Variants in PDE4D observed in about 807,000 individuals in gnomAD.
PDE4D encodes phosphodiesterase 4D.
A neutral mutation model predicts 87.4 loss-of-function variants in PDE4D; 24 were observed. The observed-to-expected ratio is 0.27, with a 90% CI of 0.20 to 0.39. The LOEUF (loss-of-function observed/expected upper bound fraction) is 0.39. Ranked by LOEUF, PDE4D falls within the 10% of genes least tolerant of loss-of-function variation. PDE4D has a pLI of 1.00. For missense variants in PDE4D, 714 were observed against 1,041.0 expected (o/e 0.69, Z 4.32); for synonymous variants, 384 against 383.2 (o/e 1.00, Z -0.02).
intron 1 of PDE4D, among the ~76,000 whole-genome samples, chr5:59,641,667 C>A (rs1253422334): frequency 3.9e-5 from 6 of 152,132 alleles, no homozygotes; most frequent in Non-Finnish European, 8.8e-5. Flanking sequence ...GAATGCTCAT[C>A]CCTCTGAAAT....
At chr5:59,125,198 G>A (rs1775204279) in intron 5 of PDE4D, 2 of 706,572 alleles carry the variant, frequency 2.8e-6, no homozygotes, top group Non-Finnish European at 1.7e-6. Context: ...TTAAGCTAGA[G>A]TTAGACTGGT....
At chr5:60,507,448 A>G (rs867711612) in intron 1 of PDE4D, among the ~76,000 whole-genome samples, 32 of 152,338 alleles carry the variant, frequency 2.1e-4, no homozygotes, top group Middle Eastern at 3.4e-3. Context: ...AAAATGCTAT[A>G]AATATCTTTA....
chr5:59,550,844 G>A (rs545057298), intron 1 of PDE4D, among the ~76,000 whole-genome samples: 13 of 151,870 alleles, frequency 8.6e-5, no homozygotes, highest in Middle Eastern at 3.4e-3. Flanking sequence ...TTACAGGCAC[G>A]TGCCACCACA....
chr5:59,745,743 AG>A (rs1341235007), intron 1 of PDE4D, among the ~76,000 whole-genome samples: 6 of 152,196 alleles, frequency 3.9e-5, no homozygotes, highest in Admixed American at 2.0e-4. Flanking sequence ...CCTTTTCCTT[AG>A]GGCAAAAAAA....
intron 3 of PDE4D, among the ~76,000 whole-genome samples, chr5:59,953,242 G>A (rs1347329154): frequency 1.3e-5 from 2 of 152,130 alleles, no homozygotes; most frequent in African/African-American, 4.8e-5. Flanking sequence ...TGTGAGAAAA[G>A]TGAAAATGGG....
At chr5:60,457,609 G>A (rs1242019624) in intron 1 of PDE4D, among the ~76,000 whole-genome samples, 3 of 152,072 alleles carry the variant, frequency 2.0e-5, no homozygotes, top group Non-Finnish European at 4.4e-5. Context: ...AGTTTTTCCA[G>A]CTGTTCCTTT....
intron 1 of PDE4D, among the ~76,000 whole-genome samples, chr5:59,883,223 A>G (rs112691342): frequency 1.7e-3 from 266 of 152,340 alleles, no homozygotes; most frequent in African/African-American, 5.9e-3. Flanking sequence ...CAAAAAAGCA[A>G]TATTTGAGCA....
intron 1 of PDE4D, among the ~76,000 whole-genome samples, chr5:59,771,497 GAGAAGAAAGA>G (rs1763520444): frequency 2.0e-5 from 1 of 48,970 alleles, no homozygotes; most frequent in African/African-American, 7.5e-5. Context: ...GAGAGAGAGA[GAGAAGAAAGA>G]AAGAAAGAAA....
intron 2 of PDE4D, among the ~76,000 whole-genome samples, chr5:60,110,533 A>T (rs556170401): frequency 2.6e-4 from 39 of 152,278 alleles, no homozygotes; most frequent in African/African-American, 8.9e-4. Context: ...AGAAAAGGCA[A>T]CTTTTATACA....
intron 1 of PDE4D, among the ~76,000 whole-genome samples, chr5:59,236,668 G>T (rs1756501024): frequency 6.6e-6 from 1 of 152,076 alleles, no homozygotes. Context: ...TCGTCACCAG[G>T]CTATATTACA....
intron 1 of PDE4D, among the ~76,000 whole-genome samples, chr5:59,873,054 G>A (rs1040407512): frequency 1.3e-5 from 2 of 152,094 alleles, no homozygotes; most frequent in East Asian, 1.9e-4. Context: ...GGGCTGAAAC[G>A]CTATACTTTT....
chr5:59,873,265 A>AGGGATGACACAGTCAGG (rs1173819034), intron 1 of PDE4D, among the ~76,000 whole-genome samples: 8 of 152,354 alleles, frequency 5.3e-5, no homozygotes, highest in Non-Finnish European at 8.8e-5. Flanking sequence ...CAGATTTTTA[A>AGGGATGACACAGTCAGG]GGGATGACAC....
intron 1 of PDE4D, among the ~76,000 whole-genome samples, chr5:60,514,813 A>G (rs900467551): frequency 3.9e-4 from 60 of 152,254 alleles, no homozygotes; most frequent in African/African-American, 1.4e-3. Context: ...CAACATTTCT[A>G]TTTGACACTG....
chr5:59,160,245 A>C (rs1780859123), intron 5 of PDE4D, among the ~76,000 whole-genome samples: 1 of 152,214 alleles, frequency 6.6e-6, no homozygotes, highest in South Asian at 2.1e-4. Context: ...AATACGAAGG[A>C]TTATAAATTT....
At chr5:59,223,872 A>T (rs1753093001) in intron 1 of PDE4D, among the ~76,000 whole-genome samples, 1 of 152,150 alleles carries the variant, frequency 6.6e-6, no homozygotes. Context: ...TAGCTACTTT[A>T]CAAGATTACA....
At chr5:59,145,724 C>T (rs2153457463) in intron 5 of PDE4D, among the ~76,000 whole-genome samples, 1 of 152,318 alleles carries the variant, frequency 6.6e-6, no homozygotes, top group East Asian at 1.9e-4. Context: ...ATTTCACCTA[C>T]ATAATTCCAT....
rs1331944458 is a variant in PDE4D at position 60,507,262 on chromosome 5, ACAGGGTTTTGCCATGTTGGC to A, written n.70+14769_70+14788del. The stretch of plus-strand genomic sequence containing the variant: ...GCTGATTTTTGTATTTTTAGTAGAG[ACAGGGTTTTGCCATGTTGGC>A]CAGGCTGGTCTCGAACTCCTGACCT... On this transcript the variant is annotated intron_variant and non_coding_transcript_variant, in intron 1 of 2. Transcript: ENST00000506510. 2.0e-4 allele frequency among the ~76,000 whole-genome samples: 31 copies of A among 152,160 alleles called. No individual in the cohort carries two copies. The East Asian group carries it at 5.8e-3, about 29-fold the overall frequency.
intron 1 of PDE4D, among the ~76,000 whole-genome samples, chr5:60,503,637 G>A (rs932662009): frequency 3.3e-5 from 5 of 152,164 alleles, no homozygotes; most frequent in African/African-American, 1.2e-4. Flanking sequence ...TCATGTCAAG[G>A]CATTATTAAA....
chr5:60,168,979 CTTG>C (rs745550430), intron 2 of PDE4D, among the ~76,000 whole-genome samples: 3 of 152,114 alleles, frequency 2.0e-5, no homozygotes, highest in Admixed American at 6.5e-5. Flanking sequence ...CACTAGAGCT[CTTG>C]TTGTTGTACT....
Sources: allele counts gnomAD v4.1 joint callset (sites outside exome capture counted in the v4.1 genomes callset), GRCh38; gene constraint gnomAD v4.1.1; transcripts MANE v1.5; gene names NCBI Gene and HGNC (gene_info 2026-07-23, HGNC 2026-07-21).